EPHA6: variants seen among roughly 807,000 people sequenced by gnomAD.
EPHA6 encodes the protein EPH receptor A6, also known as ephrin type-A receptor 6.
In EPHA6, 50 loss-of-function variants were observed where a neutral mutation model predicts 112.0. The ratio of observed to expected loss-of-function variants is 0.45; its 90% CI spans 0.36 to 0.56. The LOEUF (loss-of-function observed/expected upper bound fraction) is 0.56, where lower values mean the gene tolerates loss of function less well. Among genes scored for constraint, EPHA6 ranks in the 20% least tolerant of loss-of-function variants. The pLI is 0.00. For synonymous variants in EPHA6, 529 were observed against 490.7 expected (o/e 1.08, Z -1.03); for missense variants, 1,280 against 1,417.4 (o/e 0.90, Z 1.56).
intron 12 of EPHA6, among the ~76,000 whole-genome samples, chr3:97,599,146 A>T (rs2093621493): frequency 6.6e-6 from 1 of 151,708 alleles, no homozygotes; most frequent in Non-Finnish European, 1.5e-5. Context: ...GTTTGAGTTC[A>T]TTGTAGATTC....
At chr3:97,420,116 C>T (rs977578722) in intron 6 of EPHA6, among the ~76,000 whole-genome samples, 1 of 151,960 alleles carries the variant, frequency 6.6e-6, no homozygotes, top group Non-Finnish European at 1.5e-5. Context: ...GTTTGAGAAT[C>T]ATTTGTTTAT....
chr3:97,040,842 A>G (rs1370390805), intron 3 of EPHA6, among the ~76,000 whole-genome samples: 1 of 152,046 alleles, frequency 6.6e-6, no homozygotes, highest in Non-Finnish European at 1.5e-5. Context: ...AAAATTTTAC[A>G]TATCAGTGGT....
chr3:97,753,236 T>C lies in EPHA6; in HGVS notation c.*4535T>C, dbSNP rs968358812. Among the ~76,000 whole-genome samples, 2 of 152,190 alleles carry C rather than the reference T, an allele frequency of 1.3e-5. No homozygotes were observed. Among genetic ancestry groups the C allele is most frequent in the Non-Finnish European group, 2.9e-5 (2 of 68,032 alleles). On this transcript the variant is annotated 3_prime_UTR_variant, in exon 18 of 18. Coordinates refer to ENST00000389672, the MANE Select transcript of EPHA6 (RefSeq NM_001080448.3). Reference sequence around the variant, plus strand: ...ACTACAAAGATACGTTTGGCTGTGCTGTCATTGCTTTCAAGTAACTCTCAT... The same window carrying C: ...ACTACAAAGATACGTTTGGCTGTGCCGTCATTGCTTTCAAGTAACTCTCAT...
chr3:97,719,321 T>C (rs1316461084), intron 14 of EPHA6, among the ~76,000 whole-genome samples: 1 of 151,890 alleles, frequency 6.6e-6, no homozygotes, highest in Non-Finnish European at 1.5e-5. Context: ...AAAAATAATT[T>C]TTGTTATGAA....
intron 3 of EPHA6, among the ~76,000 whole-genome samples, chr3:97,101,234 T>C (rs2047394354): frequency 1.3e-5 from 2 of 152,024 alleles, no homozygotes; most frequent in Admixed American, 6.6e-5. Flanking sequence ...TAGAACATAT[T>C]AGAAGTGAGC....
chr3:97,087,510 A>G (rs2046938714), intron 3 of EPHA6, among the ~76,000 whole-genome samples: 1 of 152,162 alleles, frequency 6.6e-6, no homozygotes. Context: ...CCCTTAACAA[A>G]AGGGAAAGGG....
chr3:96,850,340 G>A (rs1277782165), intron 1 of EPHA6, among the ~76,000 whole-genome samples: 1 of 152,054 alleles, frequency 6.6e-6, no homozygotes, highest in Non-Finnish European at 1.5e-5. Flanking sequence ...AATAATTAGC[G>A]CTTAGGGGTC....
chr3:97,357,110 G>T (rs1401085067), intron 5 of EPHA6, among the ~76,000 whole-genome samples: 1 of 151,966 alleles, frequency 6.6e-6, no homozygotes, highest in Non-Finnish European at 1.5e-5. Flanking sequence ...CTCTCTTTTG[G>T]GTAACAGTTG....
At chr3:96,815,162 G>A (rs1040816628) in intron 1 of EPHA6, among the ~76,000 whole-genome samples, 154 bp downstream of exon 1, 1 of 152,020 alleles carries the variant, frequency 6.6e-6, no homozygotes, top group Non-Finnish European at 1.5e-5. Flanking sequence ...TTACCCTAGC[G>A]CCCTGTTTAC....
chr3:97,181,126 C>G (rs534561866), intron 3 of EPHA6, among the ~76,000 whole-genome samples: 5 of 152,008 alleles, frequency 3.3e-5, no homozygotes, highest in African/African-American at 4.8e-5. Context: ...TGCGTTTGGT[C>G]TGGTTTTCCC....
At chr3:97,559,005 A>G (rs2093152355) in intron 11 of EPHA6, among the ~76,000 whole-genome samples, 2 of 152,052 alleles carry the variant, frequency 1.3e-5, no homozygotes, top group South Asian at 4.1e-4. Flanking sequence ...GTTAAGAACA[A>G]AATATGTGTC....
chr3:97,161,609 G>T (rs904470929), intron 3 of EPHA6, among the ~76,000 whole-genome samples: 1 of 152,104 alleles, frequency 6.6e-6, no homozygotes, highest in Non-Finnish European at 1.5e-5. Context: ...AAGGCGCTGT[G>T]CCTTTTTTTC....
intron 4 of EPHA6, among the ~76,000 whole-genome samples, chr3:97,227,583 AGC>A (rs1272350049): frequency 6.6e-6 from 1 of 152,208 alleles, no homozygotes; most frequent in African/African-American, 2.4e-5. Flanking sequence ...TGGGAAATAT[AGC>A]CTCTGACCAA....
chr3:97,034,129 G>A (rs149160229), intron 3 of EPHA6, among the ~76,000 whole-genome samples: 1 of 151,838 alleles, frequency 6.6e-6, no homozygotes, highest in South Asian at 2.1e-4. Context: ...GAACTTTAGG[G>A]AAAAAGAAAC....
intron 3 of EPHA6, among the ~76,000 whole-genome samples, chr3:97,136,998 C>T (rs998825115): frequency 1.3e-5 from 2 of 151,964 alleles, no homozygotes; most frequent in African/African-American, 4.8e-5. Context: ...ATATAATAAC[C>T]TACCATCAAA....
intron 5 of EPHA6, among the ~76,000 whole-genome samples, chr3:97,311,645 T>A (rs1343366237): frequency 6.6e-6 from 1 of 151,780 alleles, no homozygotes; most frequent in Non-Finnish European, 1.5e-5. Flanking sequence ...ATTGATTCGT[T>A]TATCTTTCCT....
chr3:97,596,875 A>AAAATATATATATATATATATATAT (rs570033415), intron 12 of EPHA6, among the ~76,000 whole-genome samples: 2 of 100,408 alleles, frequency 2.0e-5, no homozygotes, highest in African/African-American at 1.1e-4. Context: ...ATATCTATGG[A>AAAATATATATATATATATATATAT]ATATATATAT....
intron 1 of EPHA6, among the ~76,000 whole-genome samples, chr3:96,852,142 T>C (rs1241261426): frequency 3.3e-5 from 5 of 152,124 alleles, no homozygotes; most frequent in Non-Finnish European, 4.4e-5. Context: ...GAGTTTTAAA[T>C]TTCTAAGAAA....
chr3:97,470,625 A>G (rs2091200850), intron 7 of EPHA6, among the ~76,000 whole-genome samples: 1 of 151,510 alleles, frequency 6.6e-6, no homozygotes, highest in Non-Finnish European at 1.5e-5. Flanking sequence ...AAAGATATGA[A>G]ATCTCTTTTT....
Sources: allele counts gnomAD v4.1 joint callset (sites outside exome capture counted in the v4.1 genomes callset), GRCh38; gene constraint gnomAD v4.1.1; transcripts MANE v1.5; gene names NCBI Gene and HGNC (gene_info 2026-07-23, HGNC 2026-07-21).